Variants in STK4 observed in about 807,000 individuals in gnomAD.
STK4 encodes serine/threonine kinase 4.
In STK4, 30 loss-of-function variants were observed where a neutral mutation model predicts 64.9. The ratio of observed to expected loss-of-function variants is 0.46; its 90% CI spans 0.35 to 0.63. The LOEUF (loss-of-function observed/expected upper bound fraction) is 0.63, where lower values mean the gene tolerates loss of function less well. Ranked by LOEUF, STK4 falls within the 20% of genes least tolerant of loss-of-function variation. STK4 has a pLI of 0.01. For missense variants in STK4, 466 were observed against 598.5 expected (o/e 0.78, Z 2.31); for synonymous variants, 177 against 199.0 (o/e 0.89, Z 0.93).
At chr20:44,988,533 G>GTATATA (rs71197589) in intron 5 of STK4, among the ~76,000 whole-genome samples, 4,260 of 101,248 alleles carry the variant, frequency 0.042, 141 homozygotes, top group East Asian at 0.1. Flanking sequence ...ATGTGTGTGT[G>GTATATA]TATATATATA....
At chr20:45,008,856 G>C (rs2067996131) in intron 9 of STK4, among the ~76,000 whole-genome samples, 1 of 151,982 alleles carries the variant, frequency 6.6e-6, no homozygotes, top group Non-Finnish European at 1.5e-5. Flanking sequence ...GTCTGTTCAT[G>C]TCCTTTGCCC....
In STK4 at chr20:45,062,989, C is replaced by CTTTT. The variant is rs71197599; in HGVS notation, c.1306-12002_1306-11999dup. 1.0e-3 allele frequency among the ~76,000 whole-genome samples: 32 copies of CTTTT among 31,500 alleles called. 6 individuals are homozygous for CTTTT. The highest frequency in any genetic ancestry group is 2.8e-3 in the African/African-American group (20 of 7,160). 20.7% of individuals were successfully genotyped at this position (31,500 alleles called of 152,430 possible). ...ACAGGTGTGAGCCACCGCACCCGGC[C>CTTTT]TTTTTTTTTTTTTTTTTTTTTTTTT... On this transcript the variant is annotated intron_variant, in intron 10 of 10. Transcript: ENST00000372806.
In STK4 at chr20:45,031,040, TA is replaced by T. The variant is rs1024400065; in HGVS notation, c.1305+5918del. Among the ~76,000 whole-genome samples, 85 of 151,380 alleles carry T rather than the reference TA, an allele frequency of 5.6e-4. 2 individuals are homozygous for T. The highest frequency in any genetic ancestry group is 1.9e-4 in the Non-Finnish European group (13 of 67,842). ...TGAGACCCCATCTCTATTACAAAAA[TA>T]AAAAAAAGATGGCCCAAGTGCCAAC... On this transcript the variant is annotated intron_variant, in intron 10 of 10. Coordinates refer to ENST00000372806, the MANE Select transcript of STK4 (RefSeq NM_006282.5).
At chr20:45,032,268 CT>C (rs11431523) in intron 10 of STK4, among the ~76,000 whole-genome samples, 15 of 151,848 alleles carry the variant, frequency 9.9e-5, no homozygotes, top group African/African-American at 3.4e-4. Context: ...CTATTTTATT[CT>C]TTTTTTTACC....
chr20:45,075,013 T>A lies in STK4; in HGVS notation c.1306-5T>A. The A allele has an allele frequency of 1.2e-6, 2 of 1,614,112 alleles. No individual in the cohort carries two copies. The highest frequency in any genetic ancestry group is 1.7e-6 in the Non-Finnish European group (2 of 1,180,002). ...TCGTGACTATACCTTCCACTTCTCT[T>A]CTAGCTTAAGAGTTGGACAGTGGAG... On this transcript the variant is annotated splice_polypyrimidine_tract_variant and splice_region_variant and intron_variant, in intron 10 of 10. Coordinates refer to ENST00000372806, the MANE Select transcript of STK4 (RefSeq NM_006282.5).
At chr20:45,067,609 T>G (rs1212526260) in intron 10 of STK4, among the ~76,000 whole-genome samples, 2 of 152,222 alleles carry the variant, frequency 1.3e-5, no homozygotes, top group Non-Finnish European at 2.9e-5. Context: ...GTGTTTAGTG[T>G]AGCTTAACTC....
chr20:45,025,182 A>G (rs1228332352), intron 10 of STK4, 52 bp downstream of exon 10: 3 of 1,560,076 alleles, frequency 1.9e-6, no homozygotes, highest in Non-Finnish European at 2.6e-6. Context: ...GTTATTTGAA[A>G]TATCACACAT....
At chr20:44,973,358 T>C (rs2067284607) in intron 2 of STK4, 1 of 152,154 alleles carries the variant, frequency 6.6e-6, no homozygotes, top group African/African-American at 2.4e-5. Context: ...GAAGTAAAAA[T>C]GACACACCAG....
At chr20:45,030,653 A>T (rs992996973) in intron 10 of STK4, among the ~76,000 whole-genome samples, 1 of 151,814 alleles carries the variant, frequency 6.6e-6, no homozygotes, top group African/African-American at 2.4e-5. Flanking sequence ...AAGTTGAGAA[A>T]CCCCTCCAAA....
chr20:45,067,667 C>T (rs1043062323), intron 10 of STK4, among the ~76,000 whole-genome samples: 6 of 152,218 alleles, frequency 3.9e-5, no homozygotes, highest in African/African-American at 1.4e-4. Context: ...TTTGAATTAT[C>T]TCTGTGATGA....
chr20:45,069,067 T>A (rs1979831480), intron 10 of STK4, among the ~76,000 whole-genome samples: 1 of 152,242 alleles, frequency 6.6e-6, no homozygotes. Flanking sequence ...CTCATCAGAC[T>A]GGGTAAAGGC....
intron 1 of STK4, chr20:44,970,693 T>C (rs2067228321): frequency 6.6e-6 from 1 of 152,208 alleles, no homozygotes; most frequent in African/African-American, 2.4e-5. Flanking sequence ...TCTGTTGATA[T>C]CAAGTTAAGG....
At chr20:44,994,094 T>C (rs1003984947) in intron 5 of STK4, among the ~76,000 whole-genome samples, 1 of 152,122 alleles carries the variant, frequency 6.6e-6, no homozygotes, top group African/African-American at 2.4e-5. Flanking sequence ...CTGTAATGTG[T>C]ACTGTATCCA....
chr20:45,033,216 G>A (rs556426751), intron 10 of STK4, among the ~76,000 whole-genome samples: 2 of 152,216 alleles, frequency 1.3e-5, no homozygotes, highest in Non-Finnish European at 2.9e-5. Flanking sequence ...CTCCCATTTT[G>A]TAGGTTGTCT....
rs377744405 is a variant in STK4 at position 45,013,184 on chromosome 20, A to G, written c.1148-11789A>G. 3.3e-4 allele frequency among the ~76,000 whole-genome samples: 50 copies of G among 152,094 alleles called. No individual in the cohort carries two copies. In the East Asian group the frequency reaches 6.4e-3, roughly 19 times the overall value. ...ATTCTTGTCTTGTTGCTCACTTTAA[A>G]GAAAATTCTTGGGATTTTTTACCAT... On this transcript the variant is annotated intron_variant, in intron 9 of 10. Transcript: ENST00000372806.
intron 9 of STK4, among the ~76,000 whole-genome samples, chr20:45,008,604 T>C (rs1329790773): frequency 6.6e-6 from 1 of 152,200 alleles, no homozygotes; most frequent in Non-Finnish European, 1.5e-5. Flanking sequence ...TTTGAGAAAT[T>C]AGCAAACTGC....
At chr20:45,031,202 G>A (rs2068436582) in intron 10 of STK4, among the ~76,000 whole-genome samples, 1 of 151,602 alleles carries the variant, frequency 6.6e-6, no homozygotes, top group African/African-American at 2.4e-5. Context: ...GCACAGTTAA[G>A]AGATATTGTG....
chr20:45,008,124 G>A (rs1170594900), intron 9 of STK4, among the ~76,000 whole-genome samples: 3 of 152,102 alleles, frequency 2.0e-5, no homozygotes, highest in Admixed American at 6.5e-5. Context: ...GCACGACCTC[G>A]ACTCACTGCA....
intron 10 of STK4, among the ~76,000 whole-genome samples, chr20:45,038,499 T>C (rs74606136): frequency 0.028 from 4,272 of 152,140 alleles, 185 homozygotes; most frequent in African/African-American, 0.092. Flanking sequence ...CCACTTTTAA[T>C]TTAAAGCCCT....
Sources: gnomAD v4.1 joint callset for allele counts (sites outside exome capture counted in the v4.1 genomes callset) on GRCh38, gnomAD v4.1.1 for gene constraint, MANE v1.5 for transcripts, NCBI Gene and HGNC (gene_info 2026-07-23, HGNC 2026-07-21) for gene names.